ABHD2: variants seen among roughly 807,000 people sequenced by gnomAD.
ABHD2 encodes the protein monoacylglycerol lipase ABHD2.
In ABHD2, 20 loss-of-function variants were observed where a neutral mutation model predicts 48.1. The observed-to-expected ratio is 0.42, with a 90% CI of 0.29 to 0.60. ABHD2 has a LOEUF of 0.60. Among genes scored for constraint, ABHD2 ranks in the 20% least tolerant of loss-of-function variants. The pLI is 0.24. For synonymous variants in ABHD2, 209 were observed against 214.2 expected (o/e 0.98, Z 0.21); for missense variants, 405 against 550.9 (o/e 0.74, Z 2.65).
In ABHD2 at chr15:89,195,054, C is replaced by T. The variant is rs758313177; in HGVS notation, c.1082-173C>T. On this transcript the variant is annotated intron_variant, in intron 10 of 10. Transcript: ENST00000352732. The surrounding 1 kb of genome is among the most constrained non-coding windows in gnomAD (Gnocchi z 5.1). ...CTGTACTCTAAAACCTGCTAGATGC[C>T]ACTGTCTTGCCTGCCCCCTCTTTGG... 1.1e-4 allele frequency among the ~76,000 whole-genome samples: 16 copies of T among 152,204 alleles called. No homozygotes were observed. Among genetic ancestry groups the T allele is most frequent in the Non-Finnish European group, 2.1e-4 (14 of 68,038 alleles).
intron 2 of ABHD2, among the ~76,000 whole-genome samples, chr15:89,115,430 G>T (rs1319160339): frequency 2.5e-5 from 3 of 120,434 alleles, no homozygotes; most frequent in Non-Finnish European, 3.4e-5. Context: ...GTGTGTGTGT[G>T]TTTTGTATAT....
At chr15:89,043,377 C>G in the ABHD2 span, among the ~76,000 whole-genome samples, 1 of 151,676 alleles carries the variant, frequency 6.6e-6, no homozygotes, top group Non-Finnish European at 1.5e-5. Flanking sequence ...GGTGAGCTAT[C>G]TTTGTGCCAC....
intron 1 of ABHD2, among the ~76,000 whole-genome samples, chr15:89,110,853 T>TA (rs957787802): frequency 1.3e-5 from 2 of 152,216 alleles, no homozygotes; most frequent in Non-Finnish European, 2.9e-5. Flanking sequence ...ATTTGCTATT[T>TA]AAAAAAAGTT....
upstream of ABHD2, chr15:89,087,250 C>A (rs187007263): frequency 1.3e-5 from 2 of 152,370 alleles, no homozygotes; most frequent in East Asian, 3.9e-4. The surrounding 1 kb of genome is among the most constrained non-coding windows in gnomAD (Gnocchi z 5.5). Flanking sequence ...GCCCACTGTT[C>A]CTTGTCACAA....
Position 89,094,955 on chromosome 15 carries a change from T to A in ABHD2, c.-107+6392T>A, listed in dbSNP as rs1386540931. Among the ~76,000 whole-genome samples the A allele has an allele frequency of 6.7e-6, 1 of 149,150 alleles. No homozygotes were observed. Among genetic ancestry groups the A allele is most frequent in the East Asian group, 2.0e-4 (1 of 5,068 alleles). On this transcript the variant is annotated intron_variant, in intron 1 of 10. Transcript: ENST00000352732. This position sits in a 1 kb window ranked among gnomAD's most constrained non-coding sequence, Gnocchi z 4.7. ...GGTTCACACTCAGAATCCCAGCTAC[T>A]CGGGAAGCTGAAGCAGGAGAATCAC...
At chr15:89,061,809 A>G in the ABHD2 span, among the ~76,000 whole-genome samples, 1 of 152,136 alleles carries the variant, frequency 6.6e-6, no homozygotes, top group South Asian at 2.1e-4. Context: ...CCTGGGCTTA[A>G]GCAGTCTGCC....
At chr15:89,136,543 C>A (rs1972889) in intron 3 of ABHD2, 1 of 314,322 alleles carries the variant, frequency 3.2e-6, no homozygotes, top group Admixed American at 3.7e-5. Flanking sequence ...CAGTGCCCAT[C>A]TGGCTCTCAC....
At chr15:89,098,058 G>A (rs747698224) in intron 1 of ABHD2, among the ~76,000 whole-genome samples, 16 of 151,870 alleles carry the variant, frequency 1.1e-4, no homozygotes, top group South Asian at 4.2e-4. Context: ...TTTTGTGTTT[G>A]TTGTAGAGAT....
In ABHD2 at chr15:89,151,922, C is replaced by T; in HGVS notation, c.370+70C>T. Reference sequence around the variant, plus strand: ...GAGCACTAGTCAGTGGAGAGCACAGCAGTGTGAATACTTGTGCCACTGACT... The same window carrying T: ...GAGCACTAGTCAGTGGAGAGCACAGTAGTGTGAATACTTGTGCCACTGACT... On this transcript the variant is annotated intron_variant, in intron 4 of 10. Transcript: ENST00000352732. This position sits in a 1 kb window ranked among gnomAD's most constrained non-coding sequence, Gnocchi z 4.7. 7 of 1,546,530 alleles carry T rather than the reference C, an allele frequency of 4.5e-6. No individual in the cohort carries two copies. Among genetic ancestry groups the T allele is most frequent in the Non-Finnish European group, 6.1e-6 (7 of 1,141,472 alleles).
rs1352319542 is a variant in ABHD2, at chr15:89,167,684, A to C, written c.539-8128A>C. On this transcript the variant is annotated intron_variant, in intron 5 of 10. Coordinates refer to ENST00000352732, the MANE Select transcript of ABHD2 (RefSeq NM_152924.5). This position sits in a 1 kb window ranked among gnomAD's most constrained non-coding sequence, Gnocchi z 5.5. Reference sequence around the variant, plus strand: ...CAAGGCCAACTAATTTGATAGCACAAAGGGGCCTTAACTTTATTTCTACAG... The same window carrying C: ...CAAGGCCAACTAATTTGATAGCACACAGGGGCCTTAACTTTATTTCTACAG... Among the ~76,000 whole-genome samples the C allele has an allele frequency of 6.6e-6, 1 of 152,194 alleles. No individual in the cohort carries two copies. The highest frequency in any genetic ancestry group is 1.5e-5 in the Non-Finnish European group (1 of 68,030).
the ABHD2 span, among the ~76,000 whole-genome samples, chr15:89,059,891 C>T: frequency 6.6e-6 from 1 of 152,074 alleles, no homozygotes; most frequent in Non-Finnish European, 1.5e-5. Context: ...CTGCCCAGGC[C>T]AGCTGTGGAA....
At position 89,174,214 on chromosome 15, in the gene ABHD2, G is replaced by T. The variant is rs1396029575; in HGVS notation, c.539-1598G>T. Among the ~76,000 whole-genome samples the T allele has an allele frequency of 6.6e-6, 1 of 151,942 alleles. No homozygotes were observed. The highest frequency in any genetic ancestry group is 1.5e-5 in the Non-Finnish European group (1 of 68,002). On this transcript the variant is annotated intron_variant, in intron 5 of 10. Coordinates refer to ENST00000352732, the MANE Select transcript of ABHD2 (RefSeq NM_152924.5). This position sits in a 1 kb window ranked among gnomAD's most constrained non-coding sequence, Gnocchi z 4.1. ...AATATTGCCAGACATATTGTAAAGGGAAAAAAAGAGCCACCGAACAATGTG... is the reference window on the plus strand; with the variant it reads ...AATATTGCCAGACATATTGTAAAGGTAAAAAAAGAGCCACCGAACAATGTG...
intron 3 of ABHD2, among the ~76,000 whole-genome samples, chr15:89,125,254 C>CAAA (rs35053074): frequency 1.8e-4 from 23 of 128,612 alleles, no homozygotes; most frequent in African/African-American, 6.0e-4. Flanking sequence ...GACTCCATGT[C>CAAA]AAAAAAAAAA....
At position 89,174,376 on chromosome 15, in the gene ABHD2, C is replaced by T. The variant is rs2050976896; in HGVS notation, c.539-1436C>T. On this transcript the variant is annotated intron_variant, in intron 5 of 10. Coordinates refer to ENST00000352732, the MANE Select transcript of ABHD2 (RefSeq NM_152924.5). The surrounding 1 kb of genome is among the most constrained non-coding windows in gnomAD (Gnocchi z 4.1). ...GTCACTATAGATTCCTGGGCTTGGT[C>T]CCCATCTTACAGAATCAGCTTCTCT... Among the ~76,000 whole-genome samples, 1 of 152,186 alleles carries T rather than the reference C, an allele frequency of 6.6e-6. No homozygotes were observed. The highest frequency in any genetic ancestry group is 2.1e-4 in the South Asian group (1 of 4,828).
intron 1 of ABHD2, among the ~76,000 whole-genome samples, chr15:89,089,589 CA>C (rs1343684680): frequency 1.3e-5 from 2 of 152,162 alleles, no homozygotes; most frequent in Non-Finnish European, 2.9e-5. Context: ...TAACCAAATC[CA>C]AAGGCATGTT....
At chr15:89,076,826 C>T in the ABHD2 span, among the ~76,000 whole-genome samples, 4 of 152,096 alleles carry the variant, frequency 2.6e-5, no homozygotes, top group African/African-American at 9.7e-5. Flanking sequence ...CCATACATTC[C>T]ATTTGGTTGA....
chr15:89,156,721 G>GGA (rs2050680489), intron 5 of ABHD2, among the ~76,000 whole-genome samples: 1 of 144,618 alleles, frequency 6.9e-6, no homozygotes, highest in African/African-American at 2.5e-5. Flanking sequence ...GACTCTGTCT[G>GGA]AAAAAAAAAA....
chr15:89,071,875 T>A, the ABHD2 span, among the ~76,000 whole-genome samples: 1 of 152,162 alleles, frequency 6.6e-6, no homozygotes, highest in African/African-American at 2.4e-5. Flanking sequence ...GTCATATGAC[T>A]TTTTTGGCCA....
At position 89,186,989 on chromosome 15, in the gene ABHD2, G is replaced by C. The variant is rs1424036871; in HGVS notation, c.816-1204G>C. ...GTCCCCTGTGCTGGCTGGAAAATCA[G>C]CTGTTCCCACTTGGCTCATGTTGTT... On this transcript the variant is annotated intron_variant, in intron 7 of 10. Coordinates refer to ENST00000352732, the MANE Select transcript of ABHD2 (RefSeq NM_152924.5). The surrounding 1 kb of genome is among the most constrained non-coding windows in gnomAD (Gnocchi z 4.3). 6.6e-6 allele frequency among the ~76,000 whole-genome samples: 1 copy of C among 152,226 alleles called. No individual in the cohort carries two copies. The highest frequency in any genetic ancestry group is 1.5e-5 in the Non-Finnish European group (1 of 68,030).
Sources: gnomAD v4.1 joint callset for allele counts (sites outside exome capture counted in the v4.1 genomes callset) on GRCh38, gnomAD v4.1.1 for gene constraint, Gnocchi (gnomAD v3.1) non-coding constraint, MANE v1.5 for transcripts, NCBI Gene and HGNC (gene_info 2026-07-23, HGNC 2026-07-21) for gene names.